NRCAM: variants seen among roughly 807,000 people sequenced by gnomAD.
NRCAM encodes the protein NgCAM-related cell adhesion molecule.
NRCAM carries 83 observed loss-of-function variants against 156.5 expected under a neutral mutation model. The ratio of observed to expected loss-of-function variants is 0.53; its 90% CI spans 0.44 to 0.64. The LOEUF (loss-of-function observed/expected upper bound fraction) is 0.64. Among genes scored for constraint, NRCAM ranks in the 30% least tolerant of loss-of-function variants. The pLI is 0.00. For synonymous variants in NRCAM, 538 were observed against 563.9 expected, an observed-to-expected ratio of 0.95 and a Z score of 0.65; for missense variants, 1,417 against 1,597.3, an observed-to-expected ratio of 0.89 and a Z score of 1.92.
rs188376180 is a variant in NRCAM, at chr7:108,169,885, A to G, written c.3188-1483T>C. On this transcript the variant is annotated intron_variant, in intron 28 of 32. Coordinates refer to ENST00000379028, the MANE Select transcript of NRCAM (RefSeq NM_001037132.4). ...TATGGAAGATGTTCAAGGCAGAAAC[A>G]TAATACTTCTAACACAAGAGCATTT... 2.4e-4 allele frequency among the ~76,000 whole-genome samples: 37 copies of G among 152,056 alleles called. No homozygotes were observed. In the East Asian group the frequency reaches 6.9e-3, roughly 29 times the overall value.
intron 3 of NRCAM, among the ~76,000 whole-genome samples, chr7:108,257,108 G>GA (rs2096712201): frequency 6.7e-6 from 1 of 150,234 alleles, no homozygotes; most frequent in Admixed American, 6.7e-5. Flanking sequence ...GGAAGGAAAA[G>GA]AAAAGAAAAG....
chr7:108,166,903 G>C lies in NRCAM; in HGVS notation c.3466+18C>G, dbSNP rs1443874380. ...CACCTCTGAGCGGGAGCCAGAACAGGTGTGGTGTGAGCCTCACCTGGGCCT... is the reference window on the plus strand; with the variant it reads ...CACCTCTGAGCGGGAGCCAGAACAGCTGTGGTGTGAGCCTCACCTGGGCCT... On this transcript the variant is annotated intron_variant, in intron 30 of 32. Transcript: ENST00000379028. The C allele has an allele frequency of 1.1e-5, 17 of 1,612,756 alleles. No homozygotes were observed. Among genetic ancestry groups the C allele is most frequent in the Non-Finnish European group, 1.4e-5 (17 of 1,179,376 alleles).
chr7:108,237,780 A>G lies in NRCAM; in HGVS notation c.107-11T>C. On this transcript the variant is annotated splice_polypyrimidine_tract_variant and intron_variant, in intron 4 of 32. Transcript: ENST00000379028. The stretch of plus-strand genomic sequence containing the variant: ...CTTCAAGAAGTTTTGCTTTTTCCCC[A>G]TCAATATCAGCAGGTAAGTGGGCAA... 1 of 1,591,822 alleles carries G rather than the reference A, an allele frequency of 6.3e-7. No individual in the cohort carries two copies. The highest frequency in any genetic ancestry group is 8.6e-7 in the Non-Finnish European group (1 of 1,169,192).
At chr7:108,421,428 T>C (rs918566813) in intron 1 of NRCAM, among the ~76,000 whole-genome samples, 1 of 152,250 alleles carries the variant, frequency 6.6e-6, no homozygotes, top group East Asian at 1.9e-4. Context: ...ATATAGACCA[T>C]TGCAAGACTA....
At chr7:108,412,048 A>C (rs1467239942) in intron 1 of NRCAM, among the ~76,000 whole-genome samples, 1 of 152,206 alleles carries the variant, frequency 6.6e-6, no homozygotes, top group African/African-American at 2.4e-5. Flanking sequence ...AATTTTGATA[A>C]AAAATATCAA....
intron 3 of NRCAM, among the ~76,000 whole-genome samples, chr7:108,263,748 T>C (rs950508223): frequency 2.0e-5 from 3 of 152,240 alleles, no homozygotes; most frequent in Non-Finnish European, 4.4e-5. Flanking sequence ...CTAATTTTCA[T>C]GTTGGGTGGG....
chr7:108,357,182 C>G (rs116858086), intron 2 of NRCAM, among the ~76,000 whole-genome samples: 3 of 152,264 alleles, frequency 2.0e-5, no homozygotes, highest in Non-Finnish European at 2.9e-5. Flanking sequence ...GGGAGCTTTA[C>G]TTTGCAAACA....
Position 108,188,742 on chromosome 7 carries a change from T to C in NRCAM, c.2035+903A>G, listed in dbSNP as rs577370386. Among the ~76,000 whole-genome samples, 13 of 100,214 alleles carry C rather than the reference T, an allele frequency of 1.3e-4. No homozygotes were observed. The South Asian group carries it at 2.3e-3, about 18-fold the overall frequency. 65.7% of individuals were successfully genotyped at this position (100,214 alleles called of 152,430 possible). A position where few individuals can be genotyped will look rare whatever the true frequency, so the allele number is the denominator to read the frequency against. On this transcript the variant is annotated intron_variant, in intron 20 of 32. Transcript: ENST00000379028. ...TGAATTTGTGTTCTGATCAAGGACA[T>C]TGAACACTCAAGTAGGGAAAAGAGC...
chr7:108,257,336 G>GT (rs2096722646), intron 3 of NRCAM, among the ~76,000 whole-genome samples: 1 of 152,128 alleles, frequency 6.6e-6, no homozygotes, highest in African/African-American at 2.4e-5. Flanking sequence ...AGATTTTGTG[G>GT]TATATAAGTT....
chr7:108,337,705 G>A (rs928359381), intron 2 of NRCAM, among the ~76,000 whole-genome samples: 1 of 151,818 alleles, frequency 6.6e-6, no homozygotes, highest in Non-Finnish European at 1.5e-5. Context: ...AGAACCCTAG[G>A]TCAGAGAACA....
intron 2 of NRCAM, among the ~76,000 whole-genome samples, chr7:108,357,620 C>T (rs1482910570): frequency 4.6e-5 from 7 of 152,090 alleles, no homozygotes; most frequent in African/African-American, 1.2e-4. Flanking sequence ...TGTGAGCCAC[C>T]GGGCCCGGCC....
At chr7:108,385,076 C>T (rs138521050) in intron 2 of NRCAM, among the ~76,000 whole-genome samples, 1 of 152,332 alleles carries the variant, frequency 6.6e-6, no homozygotes, top group African/African-American at 2.4e-5. Flanking sequence ...TCTGTAGCAT[C>T]TGATCCTAAG....
intron 2 of NRCAM, among the ~76,000 whole-genome samples, chr7:108,366,784 A>G (rs1400149877): frequency 2.0e-5 from 3 of 152,230 alleles, no homozygotes; most frequent in Non-Finnish European, 4.4e-5. Flanking sequence ...CTGGAATTCA[A>G]TGCCAGATAT....
At chr7:108,415,062 C>A (rs1485044372) in intron 1 of NRCAM, among the ~76,000 whole-genome samples, 1 of 152,136 alleles carries the variant, frequency 6.6e-6, no homozygotes, top group Non-Finnish European at 1.5e-5. Flanking sequence ...AAAAATACTC[C>A]ATTTCTTAGG....
chr7:108,368,407 A>G (rs1595379372), intron 2 of NRCAM, among the ~76,000 whole-genome samples: 1 of 152,058 alleles, frequency 6.6e-6, no homozygotes, highest in African/African-American at 2.4e-5. Context: ...CTAAATACAT[A>G]CACACGCATA....
intron 3 of NRCAM, among the ~76,000 whole-genome samples, chr7:108,301,632 A>C (rs565128557): frequency 8.5e-5 from 13 of 152,294 alleles, no homozygotes; most frequent in South Asian, 6.2e-4. Flanking sequence ...TCCTATGGAC[A>C]TGAGAAGTAG....
intron 2 of NRCAM, among the ~76,000 whole-genome samples, chr7:108,360,954 A>T (rs1165860820): frequency 6.6e-6 from 1 of 152,212 alleles, no homozygotes; most frequent in Non-Finnish European, 1.5e-5. Flanking sequence ...CAAGTGACAA[A>T]AGAAAATAAC....
chr7:108,418,803 T>C (rs10236888), intron 1 of NRCAM, among the ~76,000 whole-genome samples: 123,088 of 152,136 alleles, frequency 0.81, 51,068 homozygotes, highest in East Asian at 0.95. Flanking sequence ...GCTTATTTTA[T>C]AGCATAAACA....
At chr7:108,413,932 C>A (rs1798438533) in intron 1 of NRCAM, among the ~76,000 whole-genome samples, 1 of 152,154 alleles carries the variant, frequency 6.6e-6, no homozygotes, top group Non-Finnish European at 1.5e-5. Flanking sequence ...ATGGCTCTGA[C>A]TCAGCCTCTG....
Sources: gnomAD v4.1 joint callset for allele counts (sites outside exome capture counted in the v4.1 genomes callset) on GRCh38, gnomAD v4.1.1 for gene constraint, MANE v1.5 for transcripts, NCBI Gene and HGNC (gene_info 2026-07-23, HGNC 2026-07-21) for gene names.